ZNF804B: variants seen among roughly 807,000 people sequenced by gnomAD.
ZNF804B encodes the protein zinc finger 804B.
Under a neutral mutation model 101.4 loss-of-function variants are expected in ZNF804B, and 80 were observed. The ratio of observed to expected loss-of-function variants is 0.79; its 90% CI spans 0.66 to 0.95. The LOEUF (loss-of-function observed/expected upper bound fraction) is 0.95. Ranked by LOEUF, ZNF804B falls within the 40% of genes least tolerant of loss-of-function variation. The probability of loss-of-function intolerance (pLI) is 0.00; values close to 1 mark genes in which losing one functional copy is unlikely to be tolerated. For missense variants in ZNF804B, 1,673 were observed against 1,561.9 expected, an observed-to-expected ratio of 1.07 and a Z score of -1.20; for synonymous variants, 622 against 558.8, an observed-to-expected ratio of 1.11 and a Z score of -1.59.
At chr7:88,904,632 G>A (rs1792441010) in intron 1 of ZNF804B, among the ~76,000 whole-genome samples, 1 of 152,088 alleles carries the variant, frequency 6.6e-6, no homozygotes, top group African/African-American at 2.4e-5. Flanking sequence ...TCTTTCAGCA[G>A]TCTTTTGTAG....
At chr7:88,840,434 A>G (rs549630102) in intron 1 of ZNF804B, among the ~76,000 whole-genome samples, 1 of 152,292 alleles carries the variant, frequency 6.6e-6, no homozygotes, top group East Asian at 1.9e-4. Context: ...TTATGCAACA[A>G]TTGTCTGTAA....
chr7:89,168,050 A>G (rs921423940), intron 1 of ZNF804B, among the ~76,000 whole-genome samples: 3 of 152,138 alleles, frequency 2.0e-5, no homozygotes, highest in African/African-American at 4.8e-5. Context: ...TTTCTATTCA[A>G]TGAAATGATT....
rs199999011 is a variant in ZNF804B at position 89,334,122 on chromosome 7, A to G, written c.1140A>G (p.Ile380Met). Residue 380 changes from isoleucine to methionine, a missense_variant, in exon 4 of 4, where the codon ATA becomes ATG. Transcript: ENST00000333190. ...PNIYNHSDAR[I>M]SECLDEFSSL... ...TTTACAACCATAGTGATGCCAGGAT[A>G]TCTGAATGCCTGGATGAGTTTTCAT... 1 of 1,613,734 alleles carries G rather than the reference A, an allele frequency of 6.2e-7. No homozygotes were observed. Among genetic ancestry groups the G allele is most frequent in the Admixed American group, 1.7e-5 (1 of 59,896 alleles).
At chr7:89,201,062 T>C (rs1398897073) in intron 1 of ZNF804B, among the ~76,000 whole-genome samples, 1 of 152,164 alleles carries the variant, frequency 6.6e-6, no homozygotes, top group East Asian at 1.9e-4. Flanking sequence ...TCATCGTATT[T>C]ATTTAGATTT....
chr7:89,209,801 A>G (rs1288473791), intron 1 of ZNF804B, among the ~76,000 whole-genome samples: 1 of 152,140 alleles, frequency 6.6e-6, no homozygotes, highest in Non-Finnish European at 1.5e-5. Context: ...AGTTTTTCTA[A>G]GTAATAAGTA....
At chr7:88,775,042 A>C (rs1406483377) in intron 1 of ZNF804B, among the ~76,000 whole-genome samples, 1 of 152,226 alleles carries the variant, frequency 6.6e-6, no homozygotes, top group Non-Finnish European at 1.5e-5. Context: ...AAGTCAACAC[A>C]ACAGACATGC....
At chr7:88,886,093 A>G (rs1229687048) in intron 1 of ZNF804B, among the ~76,000 whole-genome samples, 1 of 152,260 alleles carries the variant, frequency 6.6e-6, no homozygotes, top group South Asian at 2.1e-4. Context: ...AACATAATTT[A>G]GGAGACGAAT....
intron 1 of ZNF804B, among the ~76,000 whole-genome samples, chr7:88,950,555 A>G (rs1167452635): frequency 6.6e-6 from 1 of 151,792 alleles, no homozygotes; most frequent in African/African-American, 2.4e-5. Context: ...CTTAATGCCC[A>G]TTTTCTTCTA....
In ZNF804B at chr7:89,266,441, T is replaced by A. The variant is rs145751146; in HGVS notation, c.249+48146T>A. On this transcript the variant is annotated intron_variant, in intron 2 of 3. Coordinates refer to ENST00000333190, the MANE Select transcript of ZNF804B (RefSeq NM_181646.5). ...TTGACTATAAATAAATATATCTAGGTAGGAACTATAGGAGGCTCACCTATC... is the reference window on the plus strand; with the variant it reads ...TTGACTATAAATAAATATATCTAGGAAGGAACTATAGGAGGCTCACCTATC... Among the ~76,000 whole-genome samples, 1,337 of 152,228 alleles carry A rather than the reference T, an allele frequency of 8.8e-3. 21 individuals carry two copies. Among genetic ancestry groups the A allele is most frequent in the African/African-American group, 0.03 (1,234 of 41,508 alleles).
At chr7:88,908,464 C>G (rs1244392446) in intron 1 of ZNF804B, among the ~76,000 whole-genome samples, 5 of 151,676 alleles carry the variant, frequency 3.3e-5, no homozygotes, top group African/African-American at 7.3e-5. Context: ...ACAAGCACAT[C>G]TTTTATTATG....
At chr7:88,826,669 C>T (rs1249855816) in intron 1 of ZNF804B, among the ~76,000 whole-genome samples, 1 of 151,872 alleles carries the variant, frequency 6.6e-6, no homozygotes, top group Non-Finnish European at 1.5e-5. Flanking sequence ...TTTTACTTTT[C>T]AATAGAGTCA....
chr7:89,297,455 C>T (rs372792314), intron 2 of ZNF804B, among the ~76,000 whole-genome samples: 133 of 152,048 alleles, frequency 8.7e-4, no homozygotes, highest in African/African-American at 3.1e-3. Flanking sequence ...TGGAGACAAA[C>T]GTACTGGAGA....
At chr7:88,766,662 C>T (rs1789988226) in intron 1 of ZNF804B, among the ~76,000 whole-genome samples, 2 of 152,186 alleles carry the variant, frequency 1.3e-5, no homozygotes, top group South Asian at 4.1e-4. Flanking sequence ...AGCTCTGATT[C>T]TATTTCCAAT....
At chr7:88,861,035 T>C (rs1199083524) in intron 1 of ZNF804B, among the ~76,000 whole-genome samples, 1 of 152,160 alleles carries the variant, frequency 6.6e-6, no homozygotes, top group Non-Finnish European at 1.5e-5. Context: ...CTGACTGCCT[T>C]GGTTTAAACT....
intron 2 of ZNF804B, among the ~76,000 whole-genome samples, chr7:89,281,869 G>A (rs147727128): frequency 5.3e-5 from 8 of 152,204 alleles, no homozygotes; most frequent in African/African-American, 1.9e-4. Context: ...AATCCACTCA[G>A]ACAGAGTCCA....
chr7:89,118,680 A>G (rs1248427179), intron 1 of ZNF804B, among the ~76,000 whole-genome samples: 3 of 152,172 alleles, frequency 2.0e-5, no homozygotes, highest in African/African-American at 7.2e-5. Flanking sequence ...TCCAAAGCAC[A>G]CTAACAAGCT....
chr7:89,260,760 T>G (rs1789701735), intron 2 of ZNF804B, among the ~76,000 whole-genome samples: 1 of 152,198 alleles, frequency 6.6e-6, no homozygotes, highest in Non-Finnish European at 1.5e-5. Flanking sequence ...TCTTATTCTG[T>G]CTTTACCATG....
At chr7:88,902,992 G>C (rs927015322) in intron 1 of ZNF804B, among the ~76,000 whole-genome samples, 4 of 151,990 alleles carry the variant, frequency 2.6e-5, no homozygotes, top group Non-Finnish European at 5.9e-5. Context: ...GTGCAGGTTT[G>C]TTACATGGAT....
intron 1 of ZNF804B, among the ~76,000 whole-genome samples, chr7:88,869,555 A>G (rs946348407): frequency 1.3e-5 from 2 of 152,190 alleles, no homozygotes; most frequent in Admixed American, 1.3e-4. Context: ...AATATTTATT[A>G]TTTTATTACC....
Sources: allele counts gnomAD v4.1 joint callset (sites outside exome capture counted in the v4.1 genomes callset), GRCh38; gene constraint gnomAD v4.1.1; transcripts MANE v1.5; gene names NCBI Gene and HGNC (gene_info 2026-07-23, HGNC 2026-07-21).